The following CNTN3 variants were observed in gnomAD, a reference collection of about 807,000 sequenced individuals.
The protein encoded by CNTN3 is contactin 3, also known as contactin-3.
A neutral mutation model predicts 119.1 loss-of-function variants in CNTN3; 60 were observed. The ratio of observed to expected loss-of-function variants is 0.50; its 90% CI spans 0.41 to 0.62. The LOEUF is 0.62. CNTN3 is among the 20% of genes least tolerant of loss of function. CNTN3 has a pLI of 0.00. For missense variants in CNTN3, 1,101 were observed against 1,242.4 expected (o/e 0.89, Z 1.71); for synonymous variants, 450 against 438.7 (o/e 1.03, Z -0.32).
At chr3:74,330,943 G>T (rs976546885) in intron 13 of CNTN3, among the ~76,000 whole-genome samples, 2 of 152,084 alleles carry the variant, frequency 1.3e-5, no homozygotes, top group African/African-American at 4.8e-5. Flanking sequence ...TTTTAAGCTG[G>T]GTGTTAATGA....
At chr3:74,461,883 G>A (rs1702374066) in intron 4 of CNTN3, among the ~76,000 whole-genome samples, 1 of 151,982 alleles carries the variant, frequency 6.6e-6, no homozygotes, top group Non-Finnish European at 1.5e-5. Flanking sequence ...AAGCAATACT[G>A]ACCACATGGA....
At chr3:74,421,513 G>A (rs973295711) in intron 5 of CNTN3, among the ~76,000 whole-genome samples, 1 of 152,082 alleles carries the variant, frequency 6.6e-6, no homozygotes, top group Non-Finnish European at 1.5e-5. Flanking sequence ...TGCTTACTCT[G>A]TTAGGCTGAT....
intron 13 of CNTN3, among the ~76,000 whole-genome samples, chr3:74,313,869 G>T (rs1702761983): frequency 6.6e-6 from 1 of 152,144 alleles, no homozygotes; most frequent in Non-Finnish European, 1.5e-5. Context: ...AGGGAAAGGG[G>T]CATGGCTGCA....
chr3:74,267,153 A>G, intron 21 of CNTN3, 113 bp downstream of exon 21: 1 of 597,150 alleles, frequency 1.7e-6, no homozygotes, highest in Middle Eastern at 3.3e-4. Context: ...TCTTTGTCAA[A>G]ATTAGATTAC....
chr3:74,586,659 G>A (rs1021888618), intron 1 of CNTN3, among the ~76,000 whole-genome samples: 2 of 151,954 alleles, frequency 1.3e-5, no homozygotes, highest in African/African-American at 2.4e-5. Flanking sequence ...TACCTCATGA[G>A]TTGGTTACAG....
chr3:74,308,428 T>TACA (rs2106831618), intron 13 of CNTN3, among the ~76,000 whole-genome samples: 1 of 152,326 alleles, frequency 6.6e-6, no homozygotes, highest in Non-Finnish European at 1.5e-5. Context: ...CTGGAATAAT[T>TACA]GCTCCATTAC....
At chr3:74,606,332 A>G (rs1426966512) in intron 1 of CNTN3, among the ~76,000 whole-genome samples, 1 of 151,950 alleles carries the variant, frequency 6.6e-6, no homozygotes, top group African/African-American at 2.4e-5. Context: ...CTTCTGCTTG[A>G]ACGCTTACAA....
At chr3:74,595,477 G>T (rs1312524035) in intron 1 of CNTN3, among the ~76,000 whole-genome samples, 1 of 152,050 alleles carries the variant, frequency 6.6e-6, no homozygotes, top group Non-Finnish European at 1.5e-5. Context: ...TGTAGAAGGT[G>T]TAAGGAAACC....
chr3:74,560,526 T>A (rs1189459303), intron 1 of CNTN3, among the ~76,000 whole-genome samples: 1 of 152,144 alleles, frequency 6.6e-6, no homozygotes, highest in African/African-American at 2.4e-5. Flanking sequence ...AAATATTCCA[T>A]CTATCCATGC....
intron 1 of CNTN3, among the ~76,000 whole-genome samples, chr3:74,585,410 T>C (rs990492066): frequency 3.3e-5 from 5 of 152,178 alleles, no homozygotes; most frequent in African/African-American, 1.2e-4. Flanking sequence ...GCTGAAGGAA[T>C]CTTGGCAAAC....
At chr3:74,424,210 G>A in intron 5 of CNTN3, among the ~76,000 whole-genome samples, 1 of 151,938 alleles carries the variant, frequency 6.6e-6, no homozygotes, top group African/African-American at 2.4e-5. Context: ...GGCTCATACT[G>A]GGGAGATAAT....
In CNTN3 at chr3:74,387,766, C is replaced by T. The variant is rs376956271; in HGVS notation, c.455-16367G>A. ...ACTTGCTTTGACTTTAAAATCAGAA[C>T]AGCTGTTCATTAAATGCTCATCCCC... is the stretch of plus-strand genomic sequence containing the variant. On this transcript the variant is annotated intron_variant, in intron 5 of 22. Transcript: ENST00000263665. 7.6e-4 allele frequency among the ~76,000 whole-genome samples: 116 copies of T among 152,324 alleles called. 6 individuals are homozygous for T. In the South Asian group the frequency reaches 0.024, roughly 32 times the overall value.
chr3:74,449,551 T>G (rs1261168742), intron 4 of CNTN3, among the ~76,000 whole-genome samples: 1 of 152,092 alleles, frequency 6.6e-6, no homozygotes, highest in African/African-American at 2.4e-5. Context: ...GGGTTTTGGA[T>G]CTATTAAATA....
At position 74,353,075 on chromosome 3, in the gene CNTN3, G is replaced by A. The variant is rs538865188; in HGVS notation, c.1364+8815C>T. 5.3e-5 allele frequency among the ~76,000 whole-genome samples: 8 copies of A among 152,328 alleles called. No individual in the cohort carries two copies. In the South Asian group the frequency reaches 1.4e-3, roughly 28 times the overall value. On this transcript the variant is annotated intron_variant, in intron 11 of 22. Transcript: ENST00000263665. ...ACTGTGAGGAGAGGAGCCAGGTAGTGTAAGGGAAGGGGAAAGAGATGGAGA... is the reference window on the plus strand; with the variant it reads ...ACTGTGAGGAGAGGAGCCAGGTAGTATAAGGGAAGGGGAAAGAGATGGAGA...
At chr3:74,270,856 G>A (rs946250178) in intron 20 of CNTN3, among the ~76,000 whole-genome samples, 1 of 152,064 alleles carries the variant, frequency 6.6e-6, no homozygotes, top group African/African-American at 2.4e-5. Context: ...TCTACTGTTG[G>A]CAGAATGCTA....
intron 4 of CNTN3, among the ~76,000 whole-genome samples, chr3:74,467,503 CA>C: frequency 6.6e-6 from 1 of 152,076 alleles, no homozygotes; most frequent in Non-Finnish European, 1.5e-5. Context: ...AACCAGGACT[CA>C]ATTAAATAGA....
intron 1 of CNTN3, among the ~76,000 whole-genome samples, chr3:74,572,543 T>C (rs932103475): frequency 2.6e-5 from 4 of 152,062 alleles, no homozygotes; most frequent in Admixed American, 6.6e-5. Context: ...GTATACAATA[T>C]TGTTCATGTA....
intron 17 of CNTN3, among the ~76,000 whole-genome samples, chr3:74,299,230 C>T (rs543951421): frequency 6.6e-6 from 1 of 152,184 alleles, no homozygotes; most frequent in African/African-American, 2.4e-5. Context: ...AAAATATTAA[C>T]GAATTAAACT....
intron 1 of CNTN3, among the ~76,000 whole-genome samples, chr3:74,525,267 T>C (rs898530501): frequency 2.6e-5 from 4 of 151,894 alleles, no homozygotes; most frequent in Admixed American, 2.0e-4. Flanking sequence ...TCATATAATA[T>C]TCATTTATAC....
Sources: gnomAD v4.1 joint callset for allele counts (sites outside exome capture counted in the v4.1 genomes callset) on GRCh38, gnomAD v4.1.1 for gene constraint, MANE v1.5 for transcripts, NCBI Gene and HGNC (gene_info 2026-07-23, HGNC 2026-07-21) for gene names.